Variants in PTPMT1 observed in about 807,000 individuals in gnomAD.
PTPMT1 encodes the protein protein tyrosine phosphatase mitochondrial 1, also known as phosphatidylglycerophosphatase and protein-tyrosine phosphatase 1.
A neutral mutation model predicts 17.8 loss-of-function variants in PTPMT1; 12 were observed. That is an observed-to-expected ratio of 0.67 (90% CI 0.43 to 1.09). The LOEUF (loss-of-function observed/expected upper bound fraction) is 1.09. PTPMT1 is among the 50% of genes least tolerant of loss of function. The pLI is 0.00. For missense variants in PTPMT1, 262 were observed against 266.0 expected, an observed-to-expected ratio of 0.99 and a Z score of 0.10; for synonymous variants, 132 against 116.8, an observed-to-expected ratio of 1.13 and a Z score of -0.84.
At chr11:47,570,186 CAAAAAAA>C (rs548462674) in intron 3 of PTPMT1, among the ~76,000 whole-genome samples, 1 of 85,568 alleles carries the variant, frequency 1.2e-5, no homozygotes, top group Non-Finnish European at 2.3e-5. Context: ...GAAACTGTCT[CAAAAAAA>C]AAAAAAAAAA....
chr11:47,569,044 T>C (rs1039240031), intron 2 of PTPMT1, among the ~76,000 whole-genome samples: 1 of 152,150 alleles, frequency 6.6e-6, no homozygotes, highest in Non-Finnish European at 1.5e-5. Flanking sequence ...AAAATGTATA[T>C]AGCTAATATC....
chr11:47,567,858 C>A (rs1395270152), intron 2 of PTPMT1, among the ~76,000 whole-genome samples: 1 of 152,108 alleles, frequency 6.6e-6, no homozygotes, highest in East Asian at 1.9e-4. Context: ...CACACCTGGC[C>A]ACCTATTTCT....
At chr11:47,568,604 C>T (rs2097247663) in intron 2 of PTPMT1, among the ~76,000 whole-genome samples, 3 of 151,954 alleles carry the variant, frequency 2.0e-5, no homozygotes, top group South Asian at 4.2e-4. Context: ...ACTGCTTGAG[C>T]TTAGGAGTTT....
Position 47,573,265 on chromosome 11 carries a change from C to A in PTPMT1, c.*1636C>A, listed in dbSNP as rs754909672. The A allele has an allele frequency of 8.1e-6, 13 of 1,614,144 alleles. No individual in the cohort carries two copies. In the South Asian group the frequency reaches 1.4e-4, roughly 18 times the overall value. On this transcript the variant is annotated 3_prime_UTR_variant, in exon 4 of 4. Coordinates refer to ENST00000326674, the MANE Select transcript of PTPMT1 (RefSeq NM_175732.3). The surrounding 1 kb of genome is among the most constrained non-coding windows in gnomAD (Gnocchi z 4.1). Reference sequence around the variant, plus strand: ...ACATAGGGCTTCACATGGCATTTGTCTGTCTCTGTGTCAAAGCACTGGATG... The same window carrying A: ...ACATAGGGCTTCACATGGCATTTGTATGTCTCTGTGTCAAAGCACTGGATG...
At chr11:47,571,175 C>T (rs774637180) in intron 3 of PTPMT1, among the ~76,000 whole-genome samples, 1 of 152,154 alleles carries the variant, frequency 6.6e-6, no homozygotes, top group Non-Finnish European at 1.5e-5. Context: ...CAGTCTTGAA[C>T]TTAGGATCTC....
Position 47,573,445 on chromosome 11 carries a change from C to T in PTPMT1, c.*1816C>T, listed in dbSNP as rs2097253413. On this transcript the variant is annotated 3_prime_UTR_variant, in exon 4 of 4. Coordinates refer to ENST00000326674, the MANE Select transcript of PTPMT1 (RefSeq NM_175732.3). The surrounding 1 kb of genome is among the most constrained non-coding windows in gnomAD (Gnocchi z 4.1). Reference sequence around the variant, plus strand: ...TTATCACCTACGCGATAATAAATGACTGCGTTGGAGAGGGTATCTTGCAGT... The same window carrying T: ...TTATCACCTACGCGATAATAAATGATTGCGTTGGAGAGGGTATCTTGCAGT... 1 of 1,614,210 alleles carries T rather than the reference C, an allele frequency of 6.2e-7. No individual in the cohort carries two copies. Among genetic ancestry groups the T allele is most frequent in the Non-Finnish European group, 8.5e-7 (1 of 1,180,036 alleles).
rs776299926 is a variant in PTPMT1, at chr11:47,571,548, G to A, written c.525G>A (p.Gln175=). ...IRSYIHIRPG[Q]LDVLKEFHKQ... is the part of the protein sequence containing the mutation. Reference sequence around the variant, plus strand: ...CATACATCCACATCAGGCCTGGCCAGCTGGATGTTCTTAAAGAGTTCCACA... The same window carrying A: ...CATACATCCACATCAGGCCTGGCCAACTGGATGTTCTTAAAGAGTTCCACA... The change falls in exon 4 of 4, where the codon CAG becomes CAA. Residue 175 remains glutamine (Q), a synonymous_variant. Coordinates refer to ENST00000326674, the MANE Select transcript of PTPMT1 (RefSeq NM_175732.3). 76 of 1,613,918 alleles carry A rather than the reference G, an allele frequency of 4.7e-5. No homozygotes were observed. In the Middle Eastern group the frequency reaches 8.2e-4, roughly 17 times the overall value.
Position 47,569,685 on chromosome 11 carries a change from T to C in PTPMT1, c.256-15T>C. 6.3e-7 allele frequency: 1 copy of C among 1,588,614 alleles called. No individual in the cohort carries two copies. Among genetic ancestry groups the C allele is most frequent in the Non-Finnish European group, 8.6e-7 (1 of 1,166,630 alleles). ...TTTTTCATTCTCTTTTTCATACTGG[T>C]GGACCTGGTTCCAGGAGTGGAAGAG... On this transcript the variant is annotated splice_polypyrimidine_tract_variant and intron_variant, in intron 2 of 3. Coordinates refer to ENST00000326674, the MANE Select transcript of PTPMT1 (RefSeq NM_175732.3).
chr11:47,572,672 A>AAG lies in PTPMT1; in HGVS notation c.*1043_*1044insAG. The AAG allele has an allele frequency of 1.9e-6, 1 of 517,246 alleles. No individual in the cohort carries two copies. Among genetic ancestry groups the AAG allele is most frequent in the Middle Eastern group, 5.2e-4 (1 of 1,938 alleles). 32.0% of individuals were successfully genotyped at this position (517,246 alleles called of 1,614,324 possible). A position where few individuals can be genotyped will look rare whatever the true frequency, so the allele number is the denominator to read the frequency against. On this transcript the variant is annotated 3_prime_UTR_variant, in exon 4 of 4. Transcript: ENST00000326674. ...AAGGTCTGAGAAAAGGCTTGCTCTA[A>AAG]GCAAGCTGTGGTGAGGCACAGGATG...
Position 47,573,055 on chromosome 11 carries a change from C to A in PTPMT1, c.*1426C>A, listed in dbSNP as rs1442732109. 6.2e-7 allele frequency: 1 copy of A among 1,614,040 alleles called. No homozygotes were observed. Among genetic ancestry groups the A allele is most frequent in the Non-Finnish European group, 8.5e-7 (1 of 1,180,052 alleles). Reference sequence around the variant, plus strand: ...CCCTTTTTATATCGGTCCCGGAAGACATAGATGCTCCCGTTACAGCTGGCA... The same window carrying A: ...CCCTTTTTATATCGGTCCCGGAAGAAATAGATGCTCCCGTTACAGCTGGCA... On this transcript the variant is annotated 3_prime_UTR_variant, in exon 4 of 4. Coordinates refer to ENST00000326674, the MANE Select transcript of PTPMT1 (RefSeq NM_175732.3). This position sits in a 1 kb window ranked among gnomAD's most constrained non-coding sequence, Gnocchi z 4.1.
In PTPMT1 at chr11:47,565,600, G is replaced by C; in HGVS notation, c.-23G>C. 1.6e-6 allele frequency: 2 copies of C among 1,261,536 alleles called. No homozygotes were observed. Among genetic ancestry groups the C allele is most frequent in the Non-Finnish European group, 2.0e-6 (2 of 1,006,044 alleles). The allele number at this position is 1,261,536 out of a possible 1,614,324, so 78.1% of individuals were successfully genotyped here. On this transcript the variant is annotated 5_prime_UTR_variant, in exon 1 of 4. Transcript: ENST00000326674. ...CGGACCGCGAGCGCGGGGGCCGACG[G>C]GTCGCCGCTGCGCCGGGCCGGGATG...
chr11:47,567,639 C>G (rs1185193062), intron 2 of PTPMT1, among the ~76,000 whole-genome samples: 1 of 147,236 alleles, frequency 6.8e-6, no homozygotes, highest in East Asian at 2.1e-4. Context: ...CAGCTCACTG[C>G]AACCTCTGCC....
In PTPMT1 at chr11:47,565,849, C is replaced by G. The variant is rs751025872; in HGVS notation, c.174+53C>G. On this transcript the variant is annotated intron_variant, in intron 1 of 3. Transcript: ENST00000326674. The stretch of plus-strand genomic sequence containing the variant: ...CTGCCCCGTCCCCGCCGCTCCGTCC[C>G]TGTCGGGCCGCTGGGGTCTCCACCG... The G allele has an allele frequency of 3.1e-6, 5 of 1,606,936 alleles. No individual in the cohort carries two copies. The South Asian group carries it at 5.5e-5, about 18-fold the overall frequency.
Position 47,572,934 on chromosome 11 carries a change from GC to G in PTPMT1, c.*1307del. The G allele has an allele frequency of 1.2e-6, 2 of 1,612,540 alleles. No homozygotes were observed. Among genetic ancestry groups the G allele is most frequent in the Non-Finnish European group, 1.7e-6 (2 of 1,178,996 alleles). On this transcript the variant is annotated 3_prime_UTR_variant, in exon 4 of 4. Coordinates refer to ENST00000326674, the MANE Select transcript of PTPMT1 (RefSeq NM_175732.3). ...TCTCCTCCCCTCCCCACAGCCTTAG[GC>G]CAACACAAACTGCAAATTGGTAAGC...
At position 47,565,650 on chromosome 11, in the gene PTPMT1, G is replaced by T; in HGVS notation, c.28G>T (p.Gly10Cys). ...GGCGGCCACCGCGCTGCTGGAGGCC[G>T]GCCTGGCGCGGGTGCTCTTCTACCC... MAATALLEA[G>C]LARVLFYPTL... Residue 10 changes from glycine to cysteine, a missense_variant, in exon 1 of 4, where the codon GGC becomes TGC. Gly to Cys is a radical substitution (Grantham distance 159). Coordinates refer to ENST00000326674, the MANE Select transcript of PTPMT1 (RefSeq NM_175732.3). 2.9e-6 allele frequency: 4 copies of T among 1,363,916 alleles called. No individual in the cohort carries two copies. Among genetic ancestry groups the T allele is most frequent in the Non-Finnish European group, 2.8e-6 (3 of 1,059,332 alleles). The allele number at this position is 1,363,916 out of a possible 1,614,324, so 84.5% of individuals were successfully genotyped here.
chr11:47,571,270 C>T (rs1282012456), intron 3 of PTPMT1, among the ~76,000 whole-genome samples: 1 of 152,124 alleles, frequency 6.6e-6, no homozygotes, highest in Non-Finnish European at 1.5e-5. Flanking sequence ...TGACCTGTTG[C>T]ATAGTATTGT....
chr11:47,573,068 G>T lies in PTPMT1; in HGVS notation c.*1439G>T, dbSNP rs888010650. The T allele has an allele frequency of 6.2e-7, 1 of 1,614,130 alleles. No individual in the cohort carries two copies. The highest frequency in any genetic ancestry group is 1.3e-5 in the African/African-American group (1 of 75,016). On this transcript the variant is annotated 3_prime_UTR_variant, in exon 4 of 4. Transcript: ENST00000326674. This position sits in a 1 kb window ranked among gnomAD's most constrained non-coding sequence, Gnocchi z 4.1. Reference sequence around the variant, plus strand: ...GGTCCCGGAAGACATAGATGCTCCCGTTACAGCTGGCAATCTTCCAGAGGG... The same window carrying T: ...GGTCCCGGAAGACATAGATGCTCCCTTTACAGCTGGCAATCTTCCAGAGGG...
At chr11:47,571,258 C>T (rs1266997409) in intron 3 of PTPMT1, among the ~76,000 whole-genome samples, 1 of 152,134 alleles carries the variant, frequency 6.6e-6, no homozygotes, top group Non-Finnish European at 1.5e-5. Flanking sequence ...TGACTTTCCA[C>T]CTGACCTGTT....
rs547929091 is a variant in PTPMT1, at chr11:47,567,405, C to CAAA, written c.255+1429_255+1431dup. Among the ~76,000 whole-genome samples the CAAA allele has an allele frequency of 6.1e-3, 764 of 126,042 alleles. 3 individuals carry two copies. The highest frequency in any genetic ancestry group is 8.2e-3 in the Non-Finnish European group (484 of 58,940). The allele number at this position is 126,042 out of a possible 152,430, so 82.7% of individuals were successfully genotyped here. On this transcript the variant is annotated intron_variant, in intron 2 of 3. Transcript: ENST00000326674. Reference sequence around the variant, plus strand: ...TGGGCGACAGAGTGAGTCTCCGTCTCAAAAAAAAAAAAGAATTACTGATCT... The same window carrying CAAA: ...TGGGCGACAGAGTGAGTCTCCGTCTCAAAAAAAAAAAAAAAGAATTACTGATCT...
Sources: gnomAD v4.1 joint callset for allele counts (sites outside exome capture counted in the v4.1 genomes callset) on GRCh38, gnomAD v4.1.1 for gene constraint, Gnocchi (gnomAD v3.1) non-coding constraint, MANE v1.5 for transcripts, NCBI Gene and HGNC (gene_info 2026-07-23, HGNC 2026-07-21) for gene names.